Variants in REG4 observed in about 807,000 individuals in gnomAD.
The protein encoded by REG4 is regenerating islet-derived protein 4.
REG4 carries 16 observed loss-of-function variants against 22.3 expected under a neutral mutation model. The observed-to-expected ratio is 0.72, with a 90% CI of 0.49 to 1.09. The LOEUF is 1.09. Among genes scored for constraint, REG4 ranks in the 50% least tolerant of loss-of-function variants. REG4 has a pLI of 0.00. For synonymous variants in REG4, 71 were observed against 69.2 expected (o/e 1.03, Z -0.13); for missense variants, 214 against 193.9 (o/e 1.10, Z -0.61).
At chr1:119,797,776 G>A (rs773579128) in intron 5 of REG4, among the ~76,000 whole-genome samples, 15 of 152,204 alleles carry the variant, frequency 9.9e-5, no homozygotes, top group Admixed American at 3.3e-4. Context: ...ATTTTTGATT[G>A]TCACGACCTG....
intron 2 of REG4, among the ~76,000 whole-genome samples, chr1:119,805,751 G>A (rs1046741708): frequency 6.6e-6 from 1 of 152,002 alleles, no homozygotes; most frequent in African/African-American, 2.4e-5. Context: ...GTGCCTATGT[G>A]TGTTCCTCCT....
intron 2 of REG4, 103 bp downstream of exon 2, chr1:119,808,600 C>T: frequency 1.3e-6 from 1 of 783,168 alleles, no homozygotes; most frequent in South Asian, 1.7e-5. Context: ...AAACCTATTT[C>T]CTGCAGTTCC....
In REG4 at chr1:119,808,828, T is replaced by C; in HGVS notation, c.-59A>G. 8.0e-7 allele frequency: 1 copy of C among 1,245,542 alleles called. No homozygotes were observed. The highest frequency in any genetic ancestry group is 2.3e-5 in the East Asian group (1 of 42,706). 77.2% of individuals were successfully genotyped at this position (1,245,542 alleles called of 1,614,324 possible). On this transcript the variant is annotated 5_prime_UTR_variant, in exon 2 of 6. Transcript: ENST00000256585. ...GGATCTCAGAGACCTTACTAGCGCT[T>C]CTTTGAAACTCCTGGGTTCTCCTTG...
chr1:119,799,878 G>A lies in REG4; in HGVS notation c.166-16C>T. ...GACACTCGAGCTATGTACAAGGAGAGGTCCTGTTAATTATGCCTGCATGTT... is the reference window on the plus strand; with the variant it reads ...GACACTCGAGCTATGTACAAGGAGAAGTCCTGTTAATTATGCCTGCATGTT... On this transcript the variant is annotated splice_polypyrimidine_tract_variant and intron_variant, in intron 3 of 5. Coordinates refer to ENST00000256585, the MANE Select transcript of REG4 (RefSeq NM_032044.4). The A allele has an allele frequency of 6.2e-7, 1 of 1,613,292 alleles. No individual in the cohort carries two copies. Among genetic ancestry groups the A allele is most frequent in the East Asian group, 2.2e-5 (1 of 44,870 alleles).
At chr1:119,795,849 AGGCCATG>A (rs1653923983) in intron 5 of REG4, among the ~76,000 whole-genome samples, 2 of 152,252 alleles carry the variant, frequency 1.3e-5, no homozygotes, top group South Asian at 4.1e-4. Context: ...ATACGGCACA[AGGCCATG>A]GGCCAGGCTT....
At chr1:119,795,254 T>C (rs941070872) in intron 5 of REG4, among the ~76,000 whole-genome samples, 3 of 152,174 alleles carry the variant, frequency 2.0e-5, no homozygotes, top group Non-Finnish European at 2.9e-5. Context: ...CCAGCACTGC[T>C]TTTGAGGAAA....
chr1:119,800,969 C>T (rs1015354908), intron 3 of REG4, among the ~76,000 whole-genome samples: 4 of 152,176 alleles, frequency 2.6e-5, no homozygotes, highest in African/African-American at 9.7e-5. Context: ...GTCTGCATAT[C>T]GATCCCCAAT....
At chr1:119,810,660 C>T (rs1654466680) in intron 1 of REG4, among the ~76,000 whole-genome samples, 1 of 152,184 alleles carries the variant, frequency 6.6e-6, no homozygotes, top group Non-Finnish European at 1.5e-5. Context: ...GTCAAGGTGA[C>T]CATCTGGGGG....
chr1:119,803,878 T>C (rs1166850622), intron 2 of REG4, among the ~76,000 whole-genome samples: 2 of 152,052 alleles, frequency 1.3e-5, no homozygotes, highest in Non-Finnish European at 2.9e-5. Flanking sequence ...TGGGGAAGGA[T>C]AGAAACAGCA....
chr1:119,809,814 T>C (rs1361632231), intron 1 of REG4, among the ~76,000 whole-genome samples: 1 of 152,210 alleles, frequency 6.6e-6, no homozygotes, highest in Non-Finnish European at 1.5e-5. Context: ...AAAGGATTGG[T>C]TCCCTAAGCT....
At chr1:119,797,971 G>T (rs953248629) in intron 5 of REG4, among the ~76,000 whole-genome samples, 3 of 152,136 alleles carry the variant, frequency 2.0e-5, no homozygotes, top group Admixed American at 6.5e-5. Flanking sequence ...GAAAGGAGAA[G>T]GCTCACGCGA....
Position 119,803,078 on chromosome 1 carries a change from G to T in REG4, c.155C>A (p.Ser52Tyr). ...YGYFRKLRNW[S>Y]DAELECQSYG... ...CAGCAAGTTTCTTACCTCGGCATCAGACCAGTTCCTCAGCTTCCTGAAGTA... is the reference window on the plus strand; with the variant it reads ...CAGCAAGTTTCTTACCTCGGCATCATACCAGTTCCTCAGCTTCCTGAAGTA... The change falls in exon 3 of 6, where the codon TCT (serine) becomes TAT (tyrosine). Residue 52 changes from serine to tyrosine, a missense_variant. Ser to Tyr is a moderately radical substitution (Grantham distance 144, BLOSUM62 -2). Coordinates refer to ENST00000256585, the MANE Select transcript of REG4 (RefSeq NM_032044.4). 1 of 1,598,590 alleles carries T rather than the reference G, an allele frequency of 6.3e-7. No homozygotes were observed. The highest frequency in any genetic ancestry group is 8.5e-7 in the Non-Finnish European group (1 of 1,173,632).
chr1:119,800,500 T>C (rs1033271961), intron 3 of REG4, among the ~76,000 whole-genome samples: 1 of 152,106 alleles, frequency 6.6e-6, no homozygotes, highest in African/African-American at 2.4e-5. Flanking sequence ...GCAGCCTAAG[T>C]AGGTGGGGCC....
At chr1:119,799,883 T>C (rs1301429228) in intron 3 of REG4, 21 bp from the exon 4 acceptor site, 1 of 1,612,920 alleles carries the variant, frequency 6.2e-7, no homozygotes, top group African/African-American at 1.3e-5. Flanking sequence ...GGAGAGGTCC[T>C]GTTAATTATG....
chr1:119,798,612 C>A lies in REG4; in HGVS notation c.304-10G>T. ...ACTGCCACTGCTGCCTCTGCAACAACAGGAGATGGAGAAGTGTACAGCTCA... is the reference window on the plus strand; with the variant it reads ...ACTGCCACTGCTGCCTCTGCAACAAAAGGAGATGGAGAAGTGTACAGCTCA... On this transcript the variant is annotated splice_polypyrimidine_tract_variant and intron_variant, in intron 4 of 5. Coordinates refer to ENST00000256585, the MANE Select transcript of REG4 (RefSeq NM_032044.4). 1 of 1,612,194 alleles carries A rather than the reference C, an allele frequency of 6.2e-7. No homozygotes were observed. The highest frequency in any genetic ancestry group is 1.7e-5 in the Admixed American group (1 of 60,026).
intron 1 of REG4, among the ~76,000 whole-genome samples, chr1:119,810,716 G>A (rs1557765481): frequency 6.6e-6 from 1 of 152,170 alleles, no homozygotes; most frequent in Non-Finnish European, 1.5e-5. Flanking sequence ...ATAATTTTTA[G>A]TGAACTGATA....
chr1:119,800,426 A>T (rs1465231939), intron 3 of REG4, among the ~76,000 whole-genome samples: 1 of 152,194 alleles, frequency 6.6e-6, no homozygotes, highest in African/African-American at 2.4e-5. Context: ...GAGAACAGGC[A>T]TTATGGCAGT....
chr1:119,795,667 C>A (rs1653916407), intron 5 of REG4, among the ~76,000 whole-genome samples: 1 of 152,142 alleles, frequency 6.6e-6, no homozygotes, highest in African/African-American at 2.4e-5. Context: ...GGGTGAGAAC[C>A]CTGGGGAGAG....
intron 1 of REG4, among the ~76,000 whole-genome samples, chr1:119,810,283 C>A (rs193029299): frequency 1.3e-4 from 20 of 152,194 alleles, no homozygotes; most frequent in African/African-American, 4.6e-4. Flanking sequence ...AAGTATGAAA[C>A]TGAGTTCTGG....
Sources: allele counts gnomAD v4.1 joint callset (sites outside exome capture counted in the v4.1 genomes callset), GRCh38; gene constraint gnomAD v4.1.1; transcripts MANE v1.5; gene names NCBI Gene and HGNC (gene_info 2026-07-23, HGNC 2026-07-21).